Variants in GEMIN5 observed in about 807,000 individuals in gnomAD.
GEMIN5 encodes gem-associated protein 5.
GEMIN5 carries 124 observed loss-of-function variants against 176.9 expected under a neutral mutation model. That is an observed-to-expected ratio of 0.70 (90% CI 0.61 to 0.81). The LOEUF is 0.81. GEMIN5 is among the 40% of genes least tolerant of loss of function. The pLI, the probability that GEMIN5 is intolerant of heterozygous loss-of-function variation, is 0.00. For synonymous variants in GEMIN5, 673 were observed against 665.2 expected, an observed-to-expected ratio of 1.01 and a Z score of -0.18; for missense variants, 1,843 against 1,814.6, an observed-to-expected ratio of 1.02 and a Z score of -0.28.
chr5:154,933,364 A>T (rs906948216), intron 3 of GEMIN5, among the ~76,000 whole-genome samples: 7 of 152,172 alleles, frequency 4.6e-5, no homozygotes, highest in Non-Finnish European at 1.0e-4. Flanking sequence ...TAATTCATCC[A>T]TGTTGATACA....
chr5:154,921,879 G>A (rs1036203329), intron 9 of GEMIN5, among the ~76,000 whole-genome samples: 3 of 152,156 alleles, frequency 2.0e-5, no homozygotes, highest in Non-Finnish European at 2.9e-5. Context: ...TAAAGAAGGC[G>A]TACTCCTAAG....
At chr5:154,926,890 A>C (rs1272697134) in intron 7 of GEMIN5, among the ~76,000 whole-genome samples, 1 of 152,140 alleles carries the variant, frequency 6.6e-6, no homozygotes, top group Non-Finnish European at 1.5e-5. Context: ...CTAAAAACAC[A>C]CACAAAAAAT....
At position 154,896,307 on chromosome 5, in the gene GEMIN5, A is replaced by T; in HGVS notation, c.3382T>A (p.Ser1128Thr). 1 of 1,602,252 alleles carries T rather than the reference A, an allele frequency of 6.2e-7. No individual in the cohort carries two copies. Among genetic ancestry groups the T allele is most frequent in the African/African-American group, 1.3e-5 (1 of 74,416 alleles). ...RLVFCLLELLSRHLEEKQLSE... is the reference protein window; with the variant it reads ...RLVFCLLELLTRHLEEKQLSE... ...AGCTGCTTTTCCTCCAGATGCCTGG[A>T]CAGTAGCTCCAGAAGGCAAAACACC... is the stretch of plus-strand genomic sequence containing the variant. Residue 1128 changes from serine to threonine, a missense_variant, in exon 24 of 28, where the codon TCC becomes ACC. Ser to Thr is a moderately conservative substitution (Grantham distance 58, BLOSUM62 1). Transcript: ENST00000285873.
intron 12 of GEMIN5, 121 bp from the exon 13 acceptor site, chr5:154,917,300 T>G (rs1366139616): frequency 4.3e-6 from 2 of 467,124 alleles, no homozygotes; most frequent in African/African-American, 3.9e-5. Flanking sequence ...GATAACCCTT[T>G]CTATCACTGC....
intron 24 of GEMIN5, 69 bp downstream of exon 24, chr5:154,896,023 C>T (rs1763342901): frequency 6.4e-7 from 1 of 1,557,858 alleles, no homozygotes; most frequent in Non-Finnish European, 8.8e-7. Context: ...TTCCCCGTTA[C>T]AATAGACATG....
chr5:154,901,357 T>C lies in GEMIN5; in HGVS notation c.2996A>G (p.Lys999Arg), dbSNP rs1763459878. The C allele has an allele frequency of 1.2e-5, 20 of 1,614,114 alleles. No homozygotes were observed. Among genetic ancestry groups the C allele is most frequent in the Non-Finnish European group, 1.6e-5 (19 of 1,179,964 alleles). ...HKVYEAVELL[K>R]SNHFYREAIA... The stretch of plus-strand genomic sequence containing the variant: ...CACAGACCTGTAAAAATGGTTTGAC[T>C]TGAGCAGCTCCACCGCTTCATACAC... The change falls in exon 21 of 28, where the codon AAG becomes AGG. Residue 999 changes from lysine (K) to arginine (R), a missense_variant. Lys to Arg is a conservative substitution (Grantham distance 26). Coordinates refer to ENST00000285873, the MANE Select transcript of GEMIN5 (RefSeq NM_015465.5).
intron 13 of GEMIN5, among the ~76,000 whole-genome samples, chr5:154,915,329 CAT>C (rs1430392734): frequency 2.6e-5 from 4 of 152,284 alleles, no homozygotes; most frequent in South Asian, 4.1e-4. Context: ...GCTGAGAGCA[CAT>C]GTTTTATAGC....
At chr5:154,922,889 G>T (rs925005737) in intron 9 of GEMIN5, among the ~76,000 whole-genome samples, 23 of 151,606 alleles carry the variant, frequency 1.5e-4, no homozygotes, top group African/African-American at 5.3e-4. Context: ...GTAGAGACGG[G>T]CTTTCACCGT....
rs816739 is a variant in GEMIN5, at chr5:154,889,342, C to T, written c.4338G>A (p.Ala1446=). 0.98 allele frequency: 1,560,611 copies of T among 1,597,002 alleles called. 763,077 individuals carry two copies. The highest frequency in any genetic ancestry group is 0.99 in the Middle Eastern group (5,972 of 6,022). The stretch of plus-strand genomic sequence containing the variant: ...TTACCTTAATGCTCTCAGGAAATTT[C>T]GCCATTCTCTGATTTGCCTCGGTAA... The part of the protein sequence containing the change: ...KRLTEANQRM[A]KFPESIKAWP... The change falls in exon 27 of 28, where the codon GCG becomes GCA. Residue 1446 remains alanine, a synonymous_variant. Coordinates refer to ENST00000285873, the MANE Select transcript of GEMIN5 (RefSeq NM_015465.5).
At chr5:154,893,275 A>AG (rs1763277861) in intron 24 of GEMIN5, among the ~76,000 whole-genome samples, 2 of 149,614 alleles carry the variant, frequency 1.3e-5, no homozygotes, top group Admixed American at 1.3e-4. Context: ...AAAAAAAAAA[A>AG]AAAAATTAGC....
At chr5:154,926,392 G>A (rs1019832403) in intron 7 of GEMIN5, among the ~76,000 whole-genome samples, 1 of 152,016 alleles carries the variant, frequency 6.6e-6, no homozygotes, top group African/African-American at 2.4e-5. Flanking sequence ...CCCCTCATTT[G>A]GCAAACTCTA....
intron 22 of GEMIN5, 89 bp from the exon 23 acceptor site, chr5:154,898,739 T>C: frequency 9.0e-7 from 1 of 1,111,608 alleles, no homozygotes; most frequent in Non-Finnish European, 1.3e-6. Flanking sequence ...TTCTATCTAC[T>C]TTGCTGCATG....
At chr5:154,921,302 G>A (rs1763915401) in intron 10 of GEMIN5, 41 bp downstream of exon 10, 1 of 879,486 alleles carries the variant, frequency 1.1e-6, no homozygotes, top group Non-Finnish European at 1.9e-6. Flanking sequence ...ACTGAAGGAA[G>A]AATACTCTCA....
At chr5:154,900,071 C>A (rs769884721) in intron 21 of GEMIN5, among the ~76,000 whole-genome samples, 1 of 152,126 alleles carries the variant, frequency 6.6e-6, no homozygotes, top group African/African-American at 2.4e-5. Context: ...TGATAAAATG[C>A]GAGTTTTCTA....
chr5:154,888,410 A>C (rs369703460), intron 27 of GEMIN5, 33 bp from the exon 28 acceptor site: 1 of 1,596,108 alleles, frequency 6.3e-7, no homozygotes, highest in Non-Finnish European at 8.6e-7. Flanking sequence ...TGAATAAGGA[A>C]GCATTTGCAG....
intron 21 of GEMIN5, among the ~76,000 whole-genome samples, chr5:154,900,497 GGT>G (rs1398745295): frequency 9.2e-5 from 14 of 152,162 alleles, no homozygotes; most frequent in African/African-American, 3.1e-4. Flanking sequence ...AGCATAGGAT[GGT>G]CAGCCCTAAG....
Position 154,907,648 on chromosome 5 carries a change from G to C in GEMIN5, c.2338C>G (p.Gln780Glu). Reference sequence around the variant, plus strand: ...TCCCGTGCTTGCTCCTCCCCTTCTTGGTCTGACACACCATTCTCAACAGGT... The same window carrying C: ...TCCCGTGCTTGCTCCTCCCCTTCTTCGTCTGACACACCATTCTCAACAGGT... ...SGPVENGVSD[Q>E]EGEEQAREPE... Residue 780 changes from glutamine (Q) to glutamate (E), a missense_variant, in exon 16 of 28, where the codon CAA becomes GAA. Physicochemically the swap from Gln to Glu is conservative, Grantham distance 29. Coordinates refer to ENST00000285873, the MANE Select transcript of GEMIN5 (RefSeq NM_015465.5). 6.2e-7 allele frequency: 1 copy of C among 1,613,962 alleles called. No individual in the cohort carries two copies. Among genetic ancestry groups the C allele is most frequent in the South Asian group, 1.1e-5 (1 of 91,076 alleles).
In GEMIN5 at chr5:154,927,447, A is replaced by G. The variant is rs1445773203; in HGVS notation, c.1018T>C (p.Leu340=). ...TCATCCTCTGTTTGTAAAGGACATA[A>G]ATTAAACACAATTCTTGAATGATTT... ...GQNHSRIVFN[L]CPLQTEDDKQ... is the part of the protein sequence containing the mutation. The change falls in exon 7 of 28, where the codon TTA becomes CTA. Residue 340 remains leucine, a synonymous_variant. Coordinates refer to ENST00000285873, the MANE Select transcript of GEMIN5 (RefSeq NM_015465.5). 1 of 1,598,162 alleles carries G rather than the reference A, an allele frequency of 6.3e-7. No homozygotes were observed. The highest frequency in any genetic ancestry group is 1.1e-5 in the South Asian group (1 of 90,778).
At chr5:154,933,859 T>C (rs1488273326) in intron 3 of GEMIN5, among the ~76,000 whole-genome samples, 1 of 152,028 alleles carries the variant, frequency 6.6e-6, no homozygotes, top group Non-Finnish European at 1.5e-5. Context: ...GCCTACCACC[T>C]TTCTGTTCAT....
Sources: allele counts gnomAD v4.1 joint callset (sites outside exome capture counted in the v4.1 genomes callset), GRCh38; gene constraint gnomAD v4.1.1; transcripts MANE v1.5; gene names NCBI Gene and HGNC (gene_info 2026-07-23, HGNC 2026-07-21).